The following OLFML2B variants were observed in gnomAD, a reference collection of about 807,000 sequenced individuals.
The protein encoded by OLFML2B is olfactomedin like 2B, also known as olfactomedin-like protein 2B.
In OLFML2B, 57 loss-of-function variants were observed where a neutral mutation model predicts 74.9. That is an observed-to-expected ratio of 0.76 (90% CI 0.61 to 0.95). OLFML2B has a LOEUF of 0.95. Among genes scored for constraint, OLFML2B ranks in the 40% least tolerant of loss-of-function variants. The pLI, the probability that OLFML2B is intolerant of heterozygous loss-of-function variation, is 0.00. For synonymous variants in OLFML2B, 388 were observed against 405.8 expected (o/e 0.96, Z 0.53); for missense variants, 986 against 970.6 (o/e 1.02, Z -0.21).
At chr1:161,998,427 A>G in intron 5 of OLFML2B, 78 bp from the exon 6 acceptor site, 1 of 1,472,620 alleles carries the variant, frequency 6.8e-7, no homozygotes, top group South Asian at 1.4e-5. Context: ...GGCAATGAGC[A>G]GGTGAATTAG....
chr1:161,987,334 G>A (rs1689617585), intron 6 of OLFML2B, among the ~76,000 whole-genome samples: 1 of 152,106 alleles, frequency 6.6e-6, no homozygotes, highest in South Asian at 2.1e-4. Context: ...CTTTGCAAAT[G>A]TGATTACATA....
At chr1:161,995,384 C>T (rs892273734) in intron 6 of OLFML2B, among the ~76,000 whole-genome samples, 1 of 152,188 alleles carries the variant, frequency 6.6e-6, no homozygotes, top group Admixed American at 6.5e-5. Flanking sequence ...AACCTTACAT[C>T]GTCAGCATGA....
intron 4 of OLFML2B, among the ~76,000 whole-genome samples, chr1:162,003,280 T>C (rs1363480780): frequency 6.6e-6 from 1 of 152,226 alleles, no homozygotes; most frequent in Non-Finnish European, 1.5e-5. Flanking sequence ...CGGCAGGCTG[T>C]CAGGAGACCC....
chr1:161,996,782 A>G (rs1369457888), intron 6 of OLFML2B, among the ~76,000 whole-genome samples: 1 of 152,178 alleles, frequency 6.6e-6, no homozygotes, highest in Non-Finnish European at 1.5e-5. Flanking sequence ...GGCACAGAAT[A>G]GGGCTGCATT....
chr1:162,003,225 C>A (rs1222267270), intron 4 of OLFML2B, among the ~76,000 whole-genome samples: 1 of 152,232 alleles, frequency 6.6e-6, no homozygotes, highest in Non-Finnish European at 1.5e-5. Flanking sequence ...GGCTCCTACC[C>A]AGCAGACTTG....
chr1:162,020,394 T>C (rs1225994803), intron 1 of OLFML2B, among the ~76,000 whole-genome samples: 2 of 152,240 alleles, frequency 1.3e-5, no homozygotes, highest in Non-Finnish European at 2.9e-5. Context: ...TCGTTTGTCT[T>C]GGAAAGCTGT....
intron 3 of OLFML2B, among the ~76,000 whole-genome samples, chr1:162,010,044 G>A (rs991235466): frequency 3.9e-5 from 6 of 152,230 alleles, no homozygotes; most frequent in African/African-American, 9.6e-5. Flanking sequence ...CGGCAGAGGT[G>A]GGAATCGTGC....
intron 3 of OLFML2B, among the ~76,000 whole-genome samples, 186 bp downstream of exon 3, chr1:162,017,214 G>T (rs1690564175): frequency 6.6e-6 from 1 of 152,150 alleles, no homozygotes; most frequent in African/African-American, 2.4e-5. Flanking sequence ...CTACTTAACT[G>T]ATTTTCTTTG....
At chr1:161,989,079 T>G (rs1377257111) in intron 6 of OLFML2B, among the ~76,000 whole-genome samples, 2 of 152,204 alleles carry the variant, frequency 1.3e-5, no homozygotes, top group Non-Finnish European at 2.9e-5. Flanking sequence ...CACCAACTCT[T>G]GCCTGGATCA....
chr1:162,001,950 C>T (rs1690092476), intron 4 of OLFML2B, among the ~76,000 whole-genome samples: 1 of 152,162 alleles, frequency 6.6e-6, no homozygotes, highest in African/African-American at 2.4e-5. Context: ...GTGAGAGTGC[C>T]CTGTGACAGC....
intron 3 of OLFML2B, among the ~76,000 whole-genome samples, chr1:162,013,879 T>C (rs1173323789): frequency 2.2e-5 from 3 of 133,628 alleles, no homozygotes; most frequent in Non-Finnish European, 1.6e-5. Flanking sequence ...TAAAGTTGAG[T>C]GAAAAAAGCC....
Position 161,998,111 on chromosome 1 carries a change from T to C in OLFML2B, c.1188A>G (p.Gln396=). 2 of 1,614,008 alleles carry C rather than the reference T, an allele frequency of 1.2e-6. No individual in the cohort carries two copies. The highest frequency in any genetic ancestry group is 1.7e-6 in the Non-Finnish European group (2 of 1,180,018). The change falls in exon 6 of 8, where the codon CAA becomes CAG. Residue 396 remains glutamine, a synonymous_variant. Coordinates refer to ENST00000294794, the MANE Select transcript of OLFML2B (RefSeq NM_015441.3). ...ANHASVGPTL[Q]TTSVSPDPTR... is the part of the protein sequence containing the mutation. Reference sequence around the variant, plus strand: ...TGGGATCTGGAGACACCGAGGTTGTTTGGAGTGTTGGTCCCACTGAGGCAT... The same window carrying C: ...TGGGATCTGGAGACACCGAGGTTGTCTGGAGTGTTGGTCCCACTGAGGCAT...
intron 3 of OLFML2B, among the ~76,000 whole-genome samples, chr1:162,007,219 C>T (rs1690259966): frequency 6.6e-6 from 1 of 152,076 alleles, no homozygotes; most frequent in Non-Finnish European, 1.5e-5. Flanking sequence ...CTGTAAGTAT[C>T]CTTGGGGTTC....
intron 4 of OLFML2B, among the ~76,000 whole-genome samples, chr1:162,000,580 A>G (rs940621307): frequency 6.6e-6 from 1 of 152,214 alleles, no homozygotes; most frequent in African/African-American, 2.4e-5. Context: ...AGGCACAGAG[A>G]GGTTACATAA....
intron 6 of OLFML2B, among the ~76,000 whole-genome samples, chr1:161,986,387 G>C (rs1689593687): frequency 6.6e-6 from 1 of 152,240 alleles, no homozygotes; most frequent in South Asian, 2.1e-4. Flanking sequence ...GACAGGACAG[G>C]AGCAAGCAGC....
Position 162,017,432 on chromosome 1 carries a change from T to C in OLFML2B, c.514A>G (p.Lys172Glu), listed in dbSNP as rs768634813. The change falls in exon 3 of 8, where the codon AAA (lysine) becomes GAA (glutamate). Residue 172 changes from lysine (K) to glutamate (E), a missense_variant. Transcript: ENST00000294794. The part of the protein sequence containing the change: ...DLLKLHSVTT[K>E]LVGRVDKLEE... ...AGTTTATCCACTCGCCCCACCAGTT[T>C]GGTGGTGACTGAATGTAGCTTCAGG... 7.4e-6 allele frequency: 12 copies of C among 1,613,804 alleles called. No individual in the cohort carries two copies. The South Asian group carries it at 1.1e-4, about 15-fold the overall frequency.
intron 3 of OLFML2B, among the ~76,000 whole-genome samples, chr1:162,011,058 G>A (rs1000941338): frequency 6.6e-6 from 1 of 152,156 alleles, no homozygotes; most frequent in African/African-American, 2.4e-5. Context: ...GGCTGGCATG[G>A]GGAGGAAGGT....
intron 1 of OLFML2B, among the ~76,000 whole-genome samples, chr1:162,022,244 C>CTTTTTTTT (rs56395023): frequency 1.1e-4 from 8 of 70,738 alleles, no homozygotes; most frequent in African/African-American, 2.9e-4. Flanking sequence ...TGTATCTCTT[C>CTTTTTTTT]TTTTTTTTTT....
chr1:161,997,141 A>C (rs981384557), intron 6 of OLFML2B, among the ~76,000 whole-genome samples: 1 of 152,178 alleles, frequency 6.6e-6, no homozygotes, highest in African/African-American at 2.4e-5. Flanking sequence ...TGGGCGACAG[A>C]GCGAGACTCT....
Sources: allele counts gnomAD v4.1 joint callset (sites outside exome capture counted in the v4.1 genomes callset), GRCh38; gene constraint gnomAD v4.1.1; transcripts MANE v1.5; gene names NCBI Gene and HGNC (gene_info 2026-07-23, HGNC 2026-07-21).